The following AP1B1 variants were observed in gnomAD, a reference collection of about 807,000 sequenced individuals.
The protein encoded by AP1B1 is AP-1 complex subunit beta-1.
A neutral mutation model predicts 104.3 loss-of-function variants in AP1B1; 36 were observed. The ratio of observed to expected loss-of-function variants is 0.35; its 90% CI spans 0.26 to 0.46. The LOEUF (loss-of-function observed/expected upper bound fraction) is 0.46. Among genes scored for constraint, AP1B1 ranks in the 20% least tolerant of loss-of-function variants. The probability of loss-of-function intolerance (pLI) is 1.00; values close to 1 mark genes in which losing one functional copy is unlikely to be tolerated. For synonymous variants in AP1B1, 504 were observed against 517.5 expected, an observed-to-expected ratio of 0.97 and a Z score of 0.35; for missense variants, 901 against 1,247.9, an observed-to-expected ratio of 0.72 and a Z score of 4.19.
In AP1B1 at chr22:29,327,745, T is replaced by C. The variant is rs1446539056; in HGVS notation, c.*1076A>G. On this transcript the variant is annotated 3_prime_UTR_variant, in exon 23 of 23. Transcript: ENST00000357586. ...AAGAGTAAACATACAATATATATTT[T>C]CTGATGATATATATTAGATCTAGTT... 6.6e-6 allele frequency: 1 copy of C among 152,156 alleles called. No individual in the cohort carries two copies. The highest frequency in any genetic ancestry group is 1.5e-5 in the Non-Finnish European group (1 of 68,034). The allele number at this position is 152,156 out of a possible 1,614,324, so 9.4% of individuals were successfully genotyped here.
chr22:29,372,053 C>T (rs1275673778), intron 1 of AP1B1, among the ~76,000 whole-genome samples: 1 of 152,134 alleles, frequency 6.6e-6, no homozygotes, highest in Non-Finnish European at 1.5e-5. Flanking sequence ...TTTCTCACAC[C>T]CACATTTGAA....
At position 29,349,277 on chromosome 22, in the gene AP1B1, C is replaced by T. The variant is rs747378931; in HGVS notation, c.1378G>A (p.Asp460Asn). 7 of 1,613,870 alleles carry T rather than the reference C, an allele frequency of 4.3e-6. No individual in the cohort carries two copies. Among genetic ancestry groups the T allele is most frequent in the Admixed American group, 1.7e-5 (1 of 60,014 alleles). Residue 460 changes from aspartate to asparagine, a missense_variant, in exon 11 of 23, where the codon GAC becomes AAC. By Grantham distance (23) the Asp-to-Asn change is conservative. Coordinates refer to ENST00000357586, the MANE Select transcript of AP1B1 (RefSeq NM_001127.4). ...WIVGEYAERIDNADELLESFL... is the reference protein window; with the variant it reads ...WIVGEYAERINNADELLESFL... Reference sequence around the variant, plus strand: ...CTCTCCAGCAGCTCATCTGCGTTGTCGATCCGTTCCGCGTACTCGCCCACA... The same window carrying T: ...CTCTCCAGCAGCTCATCTGCGTTGTTGATCCGTTCCGCGTACTCGCCCACA...
chr22:29,368,108 G>A (rs569810196), intron 1 of AP1B1, among the ~76,000 whole-genome samples: 2 of 152,242 alleles, frequency 1.3e-5, no homozygotes, highest in South Asian at 4.2e-4. Context: ...AACCAGCCTG[G>A]CCAACATGGT....
intron 7 of AP1B1, among the ~76,000 whole-genome samples, 170 bp from the exon 8 acceptor site, chr22:29,351,995 G>A (rs539050120): frequency 3.9e-5 from 6 of 152,362 alleles, no homozygotes; most frequent in Non-Finnish European, 7.3e-5. Flanking sequence ...CCCAGCAACC[G>A]GCCTGAGCAA....
intron 6 of AP1B1, among the ~76,000 whole-genome samples, chr22:29,355,802 G>C (rs1418403763): frequency 1.3e-5 from 2 of 149,010 alleles, no homozygotes; most frequent in African/African-American, 5.0e-5. Flanking sequence ...TGGGAGAATT[G>C]ATTGAGCCCT....
rs1034702954 is a variant in AP1B1, at chr22:29,331,691, G to A, written c.2439+96C>T. 1.4e-5 allele frequency: 22 copies of A among 1,605,778 alleles called. No homozygotes were observed. In the African/African-American group the frequency reaches 1.6e-4, roughly 12 times the overall value. On this transcript the variant is annotated intron_variant, in intron 18 of 22. Transcript: ENST00000357586. ...GCCTCCCCAACACATCTGCAGCTAA[G>A]AGCATGACTCCGCAGACACGACCTT...
chr22:29,356,181 G>A (rs2061954418), intron 6 of AP1B1, among the ~76,000 whole-genome samples: 1 of 152,230 alleles, frequency 6.6e-6, no homozygotes, highest in Non-Finnish European at 1.5e-5. Flanking sequence ...GAGGTGCCCT[G>A]GGCTTCTGCC....
At chr22:29,365,700 C>T (rs1385854623) in intron 2 of AP1B1, among the ~76,000 whole-genome samples, 3 of 151,844 alleles carry the variant, frequency 2.0e-5, no homozygotes, top group Non-Finnish European at 4.4e-5. Context: ...TGGGGCGCCA[C>T]TGTGCCTGGC....
At chr22:29,337,257 A>C (rs890202957) in intron 16 of AP1B1, among the ~76,000 whole-genome samples, 2 of 152,194 alleles carry the variant, frequency 1.3e-5, no homozygotes, top group African/African-American at 2.4e-5. Flanking sequence ...AGGATTTCTC[A>C]ACCACGAAAT....
At chr22:29,355,992 G>C (rs552903792) in intron 6 of AP1B1, among the ~76,000 whole-genome samples, 2 of 152,310 alleles carry the variant, frequency 1.3e-5, no homozygotes, top group East Asian at 3.9e-4. Flanking sequence ...CCAGCCAGGG[G>C]ACCTGCACTA....
chr22:29,371,908 C>G (rs1359114636), intron 1 of AP1B1, among the ~76,000 whole-genome samples: 1 of 152,122 alleles, frequency 6.6e-6, no homozygotes, highest in African/African-American at 2.4e-5. Context: ...TGGGATCCCC[C>G]CCTCAATTTC....
intron 9 of AP1B1, among the ~76,000 whole-genome samples, chr22:29,350,711 G>A (rs777260224): frequency 6.6e-6 from 1 of 152,156 alleles, no homozygotes; most frequent in African/African-American, 2.4e-5. Flanking sequence ...AGTGGTCGAG[G>A]AACATCTCCA....
intron 17 of AP1B1, among the ~76,000 whole-genome samples, chr22:29,333,883 G>A (rs111897449): frequency 6.1e-4 from 92 of 151,654 alleles, no homozygotes; most frequent in African/African-American, 2.1e-3. Context: ...GGGCAAGATG[G>A]TGAAACCCCA....
intron 3 of AP1B1, among the ~76,000 whole-genome samples, chr22:29,361,390 C>T (rs926154623): frequency 5.3e-5 from 8 of 152,122 alleles, no homozygotes; most frequent in African/African-American, 1.7e-4. Flanking sequence ...CTGGGCACCA[C>T]GAGGGCATGG....
At position 29,354,418 on chromosome 22, in the gene AP1B1, C is replaced by T. The variant is rs182022136; in HGVS notation, c.938+232G>A. Among the ~76,000 whole-genome samples the T allele has an allele frequency of 4.0e-3, 607 of 152,242 alleles. 4 individuals are homozygous for T. The highest frequency in any genetic ancestry group is 6.5e-3 in the Non-Finnish European group (443 of 68,008). On this transcript the variant is annotated intron_variant, in intron 7 of 22. Coordinates refer to ENST00000357586, the MANE Select transcript of AP1B1 (RefSeq NM_001127.4). Reference sequence around the variant, plus strand: ...TGCTGACCAGCACTCCTAGCCTCTGCCCACTAGAAGCCGGTAGCATGCCCC... The same window carrying T: ...TGCTGACCAGCACTCCTAGCCTCTGTCCACTAGAAGCCGGTAGCATGCCCC...
intron 1 of AP1B1, among the ~76,000 whole-genome samples, chr22:29,369,498 T>G (rs1456888528): frequency 6.6e-6 from 1 of 152,240 alleles, no homozygotes; most frequent in East Asian, 1.9e-4. Flanking sequence ...GGCACTTTTC[T>G]ATGGGAGCTG....
Position 29,328,620 on chromosome 22 carries a change from CG to C in AP1B1, c.*200del. The C allele has an allele frequency of 1.7e-6, 1 of 603,898 alleles. No individual in the cohort carries two copies. 37.4% of individuals were successfully genotyped at this position (603,898 alleles called of 1,614,324 possible). On this transcript the variant is annotated 3_prime_UTR_variant, in exon 23 of 23. Transcript: ENST00000357586. This position sits in a 1 kb window ranked among gnomAD's most constrained non-coding sequence, Gnocchi z 4.1. Reference sequence around the variant, plus strand: ...ACAGGAGCAGGGGTGTCCCAGAGCACGGGAGTGCACTGCGCTCTCACCCCAG... The same window carrying C: ...ACAGGAGCAGGGGTGTCCCAGAGCACGGAGTGCACTGCGCTCTCACCCCAG...
At position 29,359,958 on chromosome 22, in the gene AP1B1, C is replaced by T. The variant is rs1448053482; in HGVS notation, c.145G>A (p.Ala49Thr). 5 of 1,611,676 alleles carry T rather than the reference C, an allele frequency of 3.1e-6. No individual in the cohort carries two copies. In the South Asian group the frequency reaches 5.5e-5, roughly 18 times the overall value. The change falls in exon 4 of 23, where the codon GCC becomes ACC. Residue 49 changes from alanine (A) to threonine (T), a missense_variant and splice_region_variant. Coordinates refer to ENST00000357586, the MANE Select transcript of AP1B1 (RefSeq NM_001127.4). The part of the protein sequence containing the change: ...ASMTVGKDVS[A>T]LFPDVVNCMQ... The stretch of plus-strand genomic sequence containing the variant: ...CAGTTGACCACATCGGGGAAGAGGG[C>T]ACTGGAAGGTCAAAATGGTGTCAGC...
intron 13 of AP1B1, 41 bp downstream of exon 13, chr22:29,341,460 C>T: frequency 6.3e-7 from 1 of 1,586,776 alleles, no homozygotes; most frequent in Non-Finnish European, 8.6e-7. Context: ...ACTGGGGAAG[C>T]AGAGTGTGAA....
Sources: gnomAD v4.1 joint callset for allele counts (sites outside exome capture counted in the v4.1 genomes callset) on GRCh38, gnomAD v4.1.1 for gene constraint, Gnocchi (gnomAD v3.1) non-coding constraint, MANE v1.5 for transcripts, NCBI Gene and HGNC (gene_info 2026-07-23, HGNC 2026-07-21) for gene names.